LEMD3: variants seen among roughly 807,000 people sequenced by gnomAD.
The protein encoded by LEMD3 is LEM domain containing 3, also known as inner nuclear membrane protein Man1.
Under a neutral mutation model 95.2 loss-of-function variants are expected in LEMD3, and 33 were observed. The observed-to-expected ratio is 0.35, with a 90% CI of 0.26 to 0.46. LEMD3 has a LOEUF of 0.46. Among genes scored for constraint, LEMD3 ranks in the 20% least tolerant of loss-of-function variants. The pLI is 1.00. For missense variants in LEMD3, 1,210 were observed against 1,192.8 expected, an observed-to-expected ratio of 1.01 and a Z score of -0.21; for synonymous variants, 525 against 474.6, an observed-to-expected ratio of 1.11 and a Z score of -1.38.
intron 1 of LEMD3, among the ~76,000 whole-genome samples, chr12:65,209,313 C>T (rs908060400): frequency 6.6e-6 from 1 of 152,116 alleles, no homozygotes; most frequent in Admixed American, 6.6e-5. Context: ...GCAATACTAG[C>T]ATAGCTTTTT....
intron 1 of LEMD3, among the ~76,000 whole-genome samples, chr12:65,174,543 T>G (rs189238186): frequency 2.6e-5 from 4 of 152,292 alleles, no homozygotes; most frequent in Admixed American, 2.6e-4. Context: ...TGAATGGTTA[T>G]TGTATGCCTC....
intron 1 of LEMD3, among the ~76,000 whole-genome samples, chr12:65,200,888 TC>T (rs1869577675): frequency 6.6e-6 from 1 of 152,110 alleles, no homozygotes; most frequent in African/African-American, 2.4e-5. Flanking sequence ...AAACCCTGGG[TC>T]ATCTAGATTC....
intron 4 of LEMD3, among the ~76,000 whole-genome samples, chr12:65,231,248 C>T (rs1870617071): frequency 6.6e-6 from 1 of 151,984 alleles, no homozygotes; most frequent in South Asian, 2.1e-4. Context: ...GGTTTGTCAC[C>T]ACCATAGACG....
At chr12:65,210,793 A>G in intron 1 of LEMD3, 133 bp from the exon 2 acceptor site, 1 of 773,746 alleles carries the variant, frequency 1.3e-6, no homozygotes, top group East Asian at 2.5e-5. Context: ...TATTATCACC[A>G]GTTTGTTTAC....
At chr12:65,226,368 T>G (rs763865416) in intron 4 of LEMD3, among the ~76,000 whole-genome samples, 2 of 152,152 alleles carry the variant, frequency 1.3e-5, no homozygotes, top group Non-Finnish European at 2.9e-5. Context: ...CTTGCCTAGG[T>G]GCAGGAACCT....
intron 3 of LEMD3, among the ~76,000 whole-genome samples, chr12:65,217,293 TC>T (rs1870139831): frequency 2.0e-5 from 3 of 152,208 alleles, no homozygotes; most frequent in Admixed American, 6.5e-5. Context: ...TTGGCTGTAT[TC>T]CAGTAAAACT....
chr12:65,171,478 C>T (rs1335498354), intron 1 of LEMD3: 3 of 275,910 alleles, frequency 1.1e-5, no homozygotes, highest in Non-Finnish European at 1.4e-5. Flanking sequence ...GGATAAGGCA[C>T]ATTATAAATG....
chr12:65,235,861 T>G (rs1042726848), intron 4 of LEMD3, among the ~76,000 whole-genome samples: 2 of 152,190 alleles, frequency 1.3e-5, no homozygotes, highest in Non-Finnish European at 2.9e-5. Flanking sequence ...TGATCTCATA[T>G]ATAAACCTTT....
chr12:65,226,534 C>G (rs886101336), intron 4 of LEMD3, among the ~76,000 whole-genome samples: 2 of 152,132 alleles, frequency 1.3e-5, no homozygotes, highest in African/African-American at 2.4e-5. Context: ...TGTTTTAAGG[C>G]TTTCAGCAAA....
chr12:65,193,377 C>T (rs904453713), intron 1 of LEMD3, among the ~76,000 whole-genome samples: 5 of 152,104 alleles, frequency 3.3e-5, no homozygotes, highest in African/African-American at 1.2e-4. Flanking sequence ...CATGATTCTT[C>T]CCTTGGGGTG....
In LEMD3 at chr12:65,194,340, C is replaced by T. The variant is rs138367187; in HGVS notation, c.1523-16586C>T. On this transcript the variant is annotated intron_variant, in intron 1 of 12. Transcript: ENST00000308330. ...AAGATTTTAATTCATGGAGAGCCAG[C>T]TGAATGGGAGACTGGAGTTTTATTA... is the stretch of plus-strand genomic sequence containing the variant. Among the ~76,000 whole-genome samples the T allele has an allele frequency of 2.6e-4, 39 of 152,232 alleles. No homozygotes were observed. The East Asian group carries it at 4.6e-3, about 18-fold the overall frequency.
chr12:65,243,974 A>T (rs955487362), intron 10 of LEMD3, among the ~76,000 whole-genome samples: 1 of 152,166 alleles, frequency 6.6e-6, no homozygotes, highest in Non-Finnish European at 1.5e-5. Context: ...TTCCAACAAC[A>T]TATGCTTCCA....
At chr12:65,241,488 C>G (rs1194123166) in intron 9 of LEMD3, among the ~76,000 whole-genome samples, 1 of 150,772 alleles carries the variant, frequency 6.6e-6, no homozygotes, top group Non-Finnish European at 1.5e-5. Context: ...TCTTTTTTTT[C>G]CAGTTTTTGC....
intron 4 of LEMD3, among the ~76,000 whole-genome samples, chr12:65,225,297 G>A (rs1870413603): frequency 6.6e-6 from 1 of 151,944 alleles, no homozygotes; most frequent in African/African-American, 2.4e-5. Flanking sequence ...CTTTGTGTTG[G>A]GATTCGTGCA....
At chr12:65,199,606 C>CA (rs61001934) in intron 1 of LEMD3, among the ~76,000 whole-genome samples, 7 of 149,820 alleles carry the variant, frequency 4.7e-5, no homozygotes, top group African/African-American at 7.3e-5. Flanking sequence ...ATTCTAAAAC[C>CA]AAAAAAAAAT....
intron 6 of LEMD3, among the ~76,000 whole-genome samples, chr12:65,239,224 TGA>T (rs984473949): frequency 9.9e-5 from 15 of 152,102 alleles, no homozygotes; most frequent in African/African-American, 3.4e-4. Context: ...GGGATTTAGG[TGA>T]GAGTTGTTTT....
At chr12:65,203,378 TAA>T (rs1285208577) in intron 1 of LEMD3, among the ~76,000 whole-genome samples, 1 of 152,208 alleles carries the variant, frequency 6.6e-6, no homozygotes, top group Non-Finnish European at 1.5e-5. Flanking sequence ...CAAAATATTT[TAA>T]AGTGTCTCAA....
intron 4 of LEMD3, among the ~76,000 whole-genome samples, chr12:65,231,502 T>C (rs1870627259): frequency 6.6e-6 from 1 of 151,916 alleles, no homozygotes; most frequent in Non-Finnish European, 1.5e-5. Flanking sequence ...CTGGGGAACA[T>C]AGTGAGATCT....
intron 4 of LEMD3, among the ~76,000 whole-genome samples, chr12:65,226,031 C>T (rs577331491): frequency 6.6e-6 from 1 of 152,284 alleles, no homozygotes; most frequent in Admixed American, 6.5e-5. Flanking sequence ...TTTTTCCTCC[C>T]CAGGGAGAAG....
Sources: gnomAD v4.1 joint callset for allele counts (sites outside exome capture counted in the v4.1 genomes callset) on GRCh38, gnomAD v4.1.1 for gene constraint, MANE v1.5 for transcripts, NCBI Gene and HGNC (gene_info 2026-07-23, HGNC 2026-07-21) for gene names.